FAM168A: variants seen among roughly 807,000 people sequenced by gnomAD.
FAM168A encodes the protein protein FAM168A.
FAM168A carries 3 observed loss-of-function variants against 28.5 expected under a neutral mutation model. The observed-to-expected ratio is 0.11, with a 90% CI of 0.05 to 0.27. FAM168A has a LOEUF of 0.27. Among genes scored for constraint, FAM168A ranks in the 10% least tolerant of loss-of-function variants. The probability of loss-of-function intolerance (pLI) is 1.00; values close to 1 mark genes in which losing one functional copy is unlikely to be tolerated. For missense variants in FAM168A, 222 were observed against 311.5 expected, an observed-to-expected ratio of 0.71 and a Z score of 2.16; for synonymous variants, 122 against 124.2, an observed-to-expected ratio of 0.98 and a Z score of 0.12.
chr11:73,431,959 A>G (rs538032508), intron 2 of FAM168A, among the ~76,000 whole-genome samples: 67 of 152,162 alleles, frequency 4.4e-4, no homozygotes, highest in Non-Finnish European at 8.8e-4. Flanking sequence ...GTAACCTCTA[A>G]TCTACTTTCT....
intron 1 of FAM168A, among the ~76,000 whole-genome samples, chr11:73,486,210 C>A (rs780945160): frequency 5.3e-5 from 8 of 152,246 alleles, no homozygotes; most frequent in Non-Finnish European, 1.2e-4. Context: ...ATACATAACA[C>A]AAAATTGACT....
chr11:73,450,843 T>C (rs1455326259), intron 2 of FAM168A, among the ~76,000 whole-genome samples: 1 of 152,152 alleles, frequency 6.6e-6, no homozygotes, highest in Non-Finnish European at 1.5e-5. Context: ...TCCTAGAAGT[T>C]CCAGACAATA....
intron 1 of FAM168A, among the ~76,000 whole-genome samples, chr11:73,515,134 T>C (rs1943284520): frequency 1.3e-5 from 2 of 152,206 alleles, no homozygotes; most frequent in East Asian, 1.9e-4. Context: ...GGCCCATTTA[T>C]AGTGCCTAAG....
At chr11:73,531,931 G>A (rs1288630524) in intron 1 of FAM168A, among the ~76,000 whole-genome samples, 3 of 149,202 alleles carry the variant, frequency 2.0e-5, no homozygotes, top group South Asian at 4.3e-4. Context: ...CACCCTCCCA[G>A]GTAGCTGGAA....
chr11:73,522,775 G>A (rs989018032), intron 1 of FAM168A, among the ~76,000 whole-genome samples: 1 of 151,942 alleles, frequency 6.6e-6, no homozygotes, highest in Non-Finnish European at 1.5e-5. Context: ...CACTTTGGGA[G>A]GTCAAGGAGG....
chr11:73,500,497 A>G (rs1854987849), intron 1 of FAM168A, among the ~76,000 whole-genome samples: 1 of 152,030 alleles, frequency 6.6e-6, no homozygotes, highest in Non-Finnish European at 1.5e-5. Flanking sequence ...TGACCACATG[A>G]TCCACCCACC....
At chr11:73,459,746 C>T (rs1229857691) in intron 2 of FAM168A, among the ~76,000 whole-genome samples, 1 of 152,078 alleles carries the variant, frequency 6.6e-6, no homozygotes, top group African/African-American at 2.4e-5. Context: ...ACCAAGTAGG[C>T]AAGGAAAGAG....
chr11:73,505,373 G>C (rs1855096950), intron 1 of FAM168A, among the ~76,000 whole-genome samples: 1 of 152,010 alleles, frequency 6.6e-6, no homozygotes, highest in Non-Finnish European at 1.5e-5. Context: ...CCTGTAAAAT[G>C]ACCATAATAA....
chr11:73,490,525 C>A (rs1868113430), intron 1 of FAM168A, among the ~76,000 whole-genome samples: 1 of 152,198 alleles, frequency 6.6e-6, no homozygotes, highest in East Asian at 1.9e-4. Flanking sequence ...CTGTTACTCT[C>A]CTCAACTTCA....
At chr11:73,535,287 C>T (rs911239798) in intron 1 of FAM168A, among the ~76,000 whole-genome samples, 12 of 152,050 alleles carry the variant, frequency 7.9e-5, no homozygotes, top group African/African-American at 2.4e-4. Context: ...TCACACAAGG[C>T]TGGAGTTTAG....
intron 1 of FAM168A, among the ~76,000 whole-genome samples, chr11:73,511,171 T>C (rs1477884048): frequency 6.6e-6 from 1 of 151,562 alleles, no homozygotes; most frequent in Non-Finnish European, 1.5e-5. Flanking sequence ...CCTTCTCAAT[T>C]GTCAGGTTTT....
chr11:73,529,796 C>CTTTTTTTTTTTTTTTTTTTTTTTTT (rs772530179), intron 1 of FAM168A, among the ~76,000 whole-genome samples: 2 of 127,530 alleles, frequency 1.6e-5, no homozygotes, highest in African/African-American at 6.7e-5. Context: ...ACTTTTTCTT[C>CTTTTTTTTTTTTTTTTTTTTTTTTT]TTTTTTTTTT....
chr11:73,578,745 G>A (rs1944205905), intron 1 of FAM168A, among the ~76,000 whole-genome samples: 1 of 152,172 alleles, frequency 6.6e-6, no homozygotes, highest in African/African-American at 2.4e-5. Context: ...ATTACAAAAT[G>A]TAGCCTGGTA....
At chr11:73,534,648 C>T (rs1943554770) in intron 1 of FAM168A, among the ~76,000 whole-genome samples, 1 of 126,532 alleles carries the variant, frequency 7.9e-6, no homozygotes, top group African/African-American at 3.1e-5. Flanking sequence ...GGTGATCTGG[C>T]CCCCTCAGCC....
At chr11:73,411,322 C>G (rs548487821) in intron 5 of FAM168A, 72 bp downstream of exon 5, 1 of 1,499,602 alleles carries the variant, frequency 6.7e-7, no homozygotes. Flanking sequence ...CTTCCTCACC[C>G]TACCCCACCA....
At chr11:73,529,863 T>C (rs1381555793) in intron 1 of FAM168A, among the ~76,000 whole-genome samples, 1 of 147,970 alleles carries the variant, frequency 6.8e-6, no homozygotes, top group Non-Finnish European at 1.5e-5. Context: ...CGCAGCTCAC[T>C]GAAACCTCCA....
chr11:73,453,923 T>C (rs924057071), intron 2 of FAM168A, among the ~76,000 whole-genome samples: 6 of 152,332 alleles, frequency 3.9e-5, no homozygotes, highest in African/African-American at 1.2e-4. Context: ...CTAAATTAAA[T>C]TGCATGAGCT....
chr11:73,436,266 T>C (rs948563784), intron 2 of FAM168A, among the ~76,000 whole-genome samples: 3 of 152,224 alleles, frequency 2.0e-5, no homozygotes, highest in Non-Finnish European at 4.4e-5. Context: ...TTGATTAATA[T>C]GGAAATTAGA....
chr11:73,512,028 T>C (rs533996227), intron 1 of FAM168A, among the ~76,000 whole-genome samples: 1 of 152,336 alleles, frequency 6.6e-6, no homozygotes, highest in South Asian at 2.1e-4. Context: ...GGAAGTATTT[T>C]AATCCATATT....
Sources: gnomAD v4.1 joint callset for allele counts (sites outside exome capture counted in the v4.1 genomes callset) on GRCh38, gnomAD v4.1.1 for gene constraint, MANE v1.5 for transcripts, NCBI Gene and HGNC (gene_info 2026-07-23, HGNC 2026-07-21) for gene names.